The following UBE2W variants were observed in gnomAD, a reference collection of about 807,000 sequenced individuals.
The protein encoded by UBE2W is ubiquitin conjugating enzyme E2 W.
A neutral mutation model predicts 27.2 loss-of-function variants in UBE2W; 18 were observed. The ratio of observed to expected loss-of-function variants is 0.66; its 90% CI spans 0.46 to 0.98. The LOEUF (loss-of-function observed/expected upper bound fraction) is 0.98, where lower values mean the gene tolerates loss of function less well. Ranked by LOEUF, UBE2W falls within the 50% of genes least tolerant of loss-of-function variation. The pLI is 0.00. For synonymous variants in UBE2W, 53 were observed against 57.2 expected, an observed-to-expected ratio of 0.93 and a Z score of 0.33; for missense variants, 90 against 180.2, an observed-to-expected ratio of 0.50 and a Z score of 2.87.
At position 73,867,522 on chromosome 8, in the gene UBE2W, A is replaced by C. The variant is rs146464383; in HGVS notation, c.15+11286T>G. 2.6e-3 allele frequency among the ~76,000 whole-genome samples: 395 copies of C among 152,134 alleles called. 1 individual carries two copies. Among genetic ancestry groups the C allele is most frequent in the African/African-American group, 9.2e-3 (383 of 41,488 alleles). ...TGCACTCCAGTCTGGCAACAGGGCG[A>C]GACTCTGTCTCAAAAAAACAAAAAA... On this transcript the variant is annotated intron_variant, in intron 1 of 5. Transcript: ENST00000602593.
chr8:73,781,619 G>GTTTTTTTTTTTTTT (rs112691687), downstream of UBE2W, among the ~76,000 whole-genome samples: 1 of 140,880 alleles, frequency 7.1e-6, no homozygotes. Context: ...TCAGGTTTGG[G>GTTTTTTTTTTTTTT]TTTTTTTTTT....
At chr8:73,807,598 T>C (rs1219542306) in intron 4 of UBE2W, among the ~76,000 whole-genome samples, 2 of 152,210 alleles carry the variant, frequency 1.3e-5, no homozygotes, top group Non-Finnish European at 2.9e-5. Context: ...AAAAAATGAA[T>C]ATTATGAAAT....
intron 3 of UBE2W, among the ~76,000 whole-genome samples, chr8:73,824,815 G>A (rs978293792): frequency 1.3e-5 from 2 of 152,184 alleles, no homozygotes; most frequent in Admixed American, 1.3e-4. Flanking sequence ...CCTCCTGTGT[G>A]GCCCGACTCC....
At chr8:73,870,378 G>C in intron 1 of UBE2W, 1 of 1,386,560 alleles carries the variant, frequency 7.2e-7, no homozygotes, top group Non-Finnish European at 9.8e-7. Context: ...AGCTAGTGCA[G>C]GGACTAGAAA....
chr8:73,822,998 T>C (rs1809689460), intron 3 of UBE2W, among the ~76,000 whole-genome samples: 1 of 152,204 alleles, frequency 6.6e-6, no homozygotes, highest in South Asian at 2.1e-4. Context: ...AAATTTGAGA[T>C]GTCTGGAGGT....
At position 73,830,379 on chromosome 8, in the gene UBE2W, A is replaced by C; in HGVS notation, c.107+2T>G. On this transcript the variant is annotated splice_donor_variant, in intron 2 of 5. Transcript: ENST00000602593. LOFTEE classifies it high-confidence loss of function. ...AGAGCCCTTTTAAAATTAAATACTT[A>C]CTGTGTAATTGAATTTTGAACACTC... 1 of 1,604,592 alleles carries C rather than the reference A, an allele frequency of 6.2e-7. No individual in the cohort carries two copies. The highest frequency in any genetic ancestry group is 8.5e-7 in the Non-Finnish European group (1 of 1,172,050).
intron 3 of UBE2W, among the ~76,000 whole-genome samples, chr8:73,818,161 C>G (rs1809470434): frequency 6.6e-6 from 1 of 152,226 alleles, no homozygotes; most frequent in African/African-American, 2.4e-5. Flanking sequence ...ATTCACACTT[C>G]AGTTGTCTGT....
chr8:73,852,428 C>A (rs1563621128), intron 1 of UBE2W, among the ~76,000 whole-genome samples: 1 of 152,148 alleles, frequency 6.6e-6, no homozygotes, highest in Non-Finnish European at 1.5e-5. Context: ...TATTTGTTTT[C>A]TGAAAACCTT....
intron 3 of UBE2W, among the ~76,000 whole-genome samples, chr8:73,822,853 C>T (rs1213535251): frequency 6.6e-6 from 1 of 151,960 alleles, no homozygotes; most frequent in Non-Finnish European, 1.5e-5. Context: ...AAAGAATGGG[C>T]TACCTTTCAA....
intron 2 of UBE2W, among the ~76,000 whole-genome samples, chr8:73,826,336 T>C (rs74811641): frequency 0.024 from 3,694 of 152,300 alleles, 157 homozygotes; most frequent in African/African-American, 0.085. Flanking sequence ...CAAAAGTGAA[T>C]TGAAGTCATT....
rs1294586819 is a variant in UBE2W, at chr8:73,790,115, A to AT, written c.*3986dup. 1.3e-5 allele frequency: 13 copies of AT among 985,042 alleles called. No homozygotes were observed. In the Admixed American group the frequency reaches 2.5e-4, roughly 19 times the overall value. The allele number at this position is 985,042 out of a possible 1,614,324, so 61.0% of individuals were successfully genotyped here. A position where few individuals can be genotyped will look rare whatever the true frequency, so the allele number is the denominator to read the frequency against. On this transcript the variant is annotated 3_prime_UTR_variant, in exon 6 of 6. Coordinates refer to ENST00000602593, the MANE Select transcript of UBE2W (RefSeq NM_018299.6). ...CCATGTATTTTATTTGTAGGAGAGCATTTTAAATTTTTCAAAAATTCATGG... is the reference window on the plus strand; with the variant it reads ...CCATGTATTTTATTTGTAGGAGAGCATTTTTAAATTTTTCAAAAATTCATGG...
chr8:73,805,733 C>A lies in UBE2W; in HGVS notation c.367-7G>T. 3 of 1,481,900 alleles carry A rather than the reference C, an allele frequency of 2.0e-6. No homozygotes were observed. The highest frequency in any genetic ancestry group is 2.9e-5 in the South Asian group (2 of 69,608). 91.8% of individuals were successfully genotyped at this position (1,481,900 alleles called of 1,614,324 possible). Reference sequence around the variant, plus strand: ...AATTATCCGGTGGTCGTCTCTGAAACAAAAAATAATTTAAATAGGTTGAAA... The same window carrying A: ...AATTATCCGGTGGTCGTCTCTGAAAAAAAAAATAATTTAAATAGGTTGAAA... On this transcript the variant is annotated splice_region_variant and splice_polypyrimidine_tract_variant and intron_variant, in intron 4 of 5. Transcript: ENST00000602593.
At chr8:73,798,253 T>C (rs1808504002) in intron 5 of UBE2W, among the ~76,000 whole-genome samples, 1 of 152,154 alleles carries the variant, frequency 6.6e-6, no homozygotes, top group South Asian at 2.1e-4. Flanking sequence ...GCCATGATCA[T>C]ACCACTGCAC....
intron 1 of UBE2W, among the ~76,000 whole-genome samples, chr8:73,851,543 A>G (rs1415458716): frequency 1.3e-5 from 2 of 152,176 alleles, no homozygotes; most frequent in African/African-American, 2.4e-5. Flanking sequence ...TTTTCTTTCC[A>G]TGAATCTGTA....
intron 4 of UBE2W, among the ~76,000 whole-genome samples, chr8:73,808,919 C>T (rs1809030636): frequency 6.6e-6 from 1 of 152,062 alleles, no homozygotes; most frequent in Non-Finnish European, 1.5e-5. Context: ...AATAATAAAT[C>T]ATTATATTTA....
chr8:73,806,776 C>T (rs995689200), intron 4 of UBE2W, among the ~76,000 whole-genome samples: 2 of 152,144 alleles, frequency 1.3e-5, no homozygotes, highest in Non-Finnish European at 2.9e-5. Flanking sequence ...GTACAAACCT[C>T]CACAAAGAAC....
chr8:73,864,539 T>C (rs1364773961), intron 1 of UBE2W, among the ~76,000 whole-genome samples: 1 of 152,184 alleles, frequency 6.6e-6, no homozygotes, highest in Non-Finnish European at 1.5e-5. Context: ...CATTATTTTC[T>C]TCAACCAATC....
At chr8:73,783,184 G>T (rs1410220225), downstream of UBE2W, among the ~76,000 whole-genome samples, 1 of 152,072 alleles carries the variant, frequency 6.6e-6, no homozygotes, top group Non-Finnish European at 1.5e-5. Context: ...TATTTGCAAA[G>T]ATATTGTCTT....
rs1162712227 is a variant in UBE2W at position 73,805,454 on chromosome 8, C to CAAAAAA, written c.442+191_442+196dup. On this transcript the variant is annotated intron_variant, in intron 5 of 5. Coordinates refer to ENST00000602593, the MANE Select transcript of UBE2W (RefSeq NM_018299.6). Reference sequence around the variant, plus strand: ...GGGCAACAAGAGCAAAACTCCATCTCAAAAAAAAAAAAAAAAACAAAAAAA... The same window carrying CAAAAAA: ...GGGCAACAAGAGCAAAACTCCATCTCAAAAAAAAAAAAAAAAAAAAAAACAAAAAAA... Among the ~76,000 whole-genome samples, 77 of 14,574 alleles carry CAAAAAA rather than the reference C, an allele frequency of 5.3e-3. 13 individuals carry two copies. Among genetic ancestry groups the CAAAAAA allele is most frequent in the East Asian group, 0.021 (6 of 286 alleles). The allele number at this position is 14,574 out of a possible 152,430, so 9.6% of individuals were successfully genotyped here.
Sources: allele counts gnomAD v4.1 joint callset (sites outside exome capture counted in the v4.1 genomes callset), GRCh38; gene constraint gnomAD v4.1.1; transcripts MANE v1.5; gene names NCBI Gene and HGNC (gene_info 2026-07-23, HGNC 2026-07-21).